Variants in SULF1 observed in about 807,000 individuals in gnomAD.
The protein encoded by SULF1 is sulfatase 1.
SULF1 carries 46 observed loss-of-function variants against 110.5 expected under a neutral mutation model. That is an observed-to-expected ratio of 0.42 (90% CI 0.33 to 0.53). SULF1 has a LOEUF of 0.53. SULF1 is among the 20% of genes least tolerant of loss of function. SULF1 has a pLI of 0.12. For missense variants in SULF1, 941 were observed against 1,094.2 expected (o/e 0.86, Z 1.98); for synonymous variants, 371 against 387.1 (o/e 0.96, Z 0.49).
intron 6 of SULF1, among the ~76,000 whole-genome samples, chr8:69,585,710 T>G (rs1806404918): frequency 6.6e-6 from 1 of 152,212 alleles, no homozygotes; most frequent in African/African-American, 2.4e-5. Flanking sequence ...GTAGTAACTC[T>G]ATGTTGACAG....
intron 22 of SULF1, among the ~76,000 whole-genome samples, chr8:69,652,468 A>T (rs1812417730): frequency 6.6e-6 from 1 of 152,202 alleles, no homozygotes; most frequent in Non-Finnish European, 1.5e-5. Context: ...AAGATTTGTT[A>T]AACTTCTCCT....
intron 3 of SULF1, among the ~76,000 whole-genome samples, chr8:69,562,372 G>A (rs549965579): frequency 1.3e-5 from 2 of 152,166 alleles, no homozygotes; most frequent in East Asian, 1.9e-4. Context: ...CCTGCTATGC[G>A]ATGCTTACAC....
chr8:69,647,986 G>A (rs565829614), intron 22 of SULF1, among the ~76,000 whole-genome samples: 1 of 151,380 alleles, frequency 6.6e-6, no homozygotes, highest in African/African-American at 2.4e-5. Flanking sequence ...TTTGCTTTTG[G>A]ATACTAGCAG....
intron 13 of SULF1, among the ~76,000 whole-genome samples, chr8:69,611,991 T>C (rs1252486770): frequency 6.6e-6 from 1 of 152,152 alleles, no homozygotes; most frequent in Non-Finnish European, 1.5e-5. Flanking sequence ...CTTTTATCCC[T>C]CACCTGCTTC....
intron 22 of SULF1, among the ~76,000 whole-genome samples, chr8:69,645,585 C>G (rs1811836177): frequency 6.6e-6 from 1 of 152,174 alleles, no homozygotes; most frequent in Non-Finnish European, 1.5e-5. Flanking sequence ...AGGAGAGGGC[C>G]CCAACCCAAC....
At chr8:69,528,816 G>A (rs1812876902) in intron 3 of SULF1, among the ~76,000 whole-genome samples, 1 of 152,118 alleles carries the variant, frequency 6.6e-6, no homozygotes, top group African/African-American at 2.4e-5. Context: ...TGTTGTTGTT[G>A]TTGTTTCAGG....
At chr8:69,586,073 G>A (rs1219489979) in intron 6 of SULF1, among the ~76,000 whole-genome samples, 3 of 152,154 alleles carry the variant, frequency 2.0e-5, no homozygotes, top group Non-Finnish European at 2.9e-5. Context: ...TACTCCAGTA[G>A]GACCATAAGA....
At position 69,628,162 on chromosome 8, in the gene SULF1, C is replaced by T. The variant is rs762091113; in HGVS notation, c.2043-9C>T. ...ATGAAGTCTCACTTTTTAATCTTCT[C>T]TCCTGCAGCTATTACAATAAAGAGA... On this transcript the variant is annotated splice_polypyrimidine_tract_variant and intron_variant, in intron 17 of 22. Coordinates refer to ENST00000402687, the MANE Select transcript of SULF1 (RefSeq NM_001128205.2). 9.9e-6 allele frequency: 16 copies of T among 1,610,902 alleles called. No individual in the cohort carries two copies. Among genetic ancestry groups the T allele is most frequent in the Admixed American group, 8.3e-5 (5 of 59,968 alleles).
At chr8:69,643,426 A>C (rs970852063) in intron 22 of SULF1, among the ~76,000 whole-genome samples, 1 of 152,222 alleles carries the variant, frequency 6.6e-6, no homozygotes, top group Non-Finnish European at 1.5e-5. Context: ...AAAAAAAAAA[A>C]AACAAGTTTT....
intron 5 of SULF1, among the ~76,000 whole-genome samples, chr8:69,568,296 C>T (rs542860480): frequency 6.6e-6 from 1 of 152,244 alleles, no homozygotes; most frequent in South Asian, 2.1e-4. Flanking sequence ...ACAATCCTAT[C>T]TGTTTATCTA....
At chr8:69,545,654 T>C (rs530177444) in intron 3 of SULF1, among the ~76,000 whole-genome samples, 61 of 152,242 alleles carry the variant, frequency 4.0e-4, no homozygotes, top group African/African-American at 1.5e-3. Context: ...CTTTGGTTTT[T>C]TGGGTTTTTT....
intron 3 of SULF1, among the ~76,000 whole-genome samples, chr8:69,559,013 T>C (rs1334358749): frequency 6.6e-6 from 1 of 152,242 alleles, no homozygotes; most frequent in African/African-American, 2.4e-5. Flanking sequence ...TTAATGTTTA[T>C]CTGAAAAGAA....
intron 6 of SULF1, among the ~76,000 whole-genome samples, chr8:69,579,015 G>A (rs1446268178): frequency 6.6e-6 from 1 of 151,918 alleles, no homozygotes; most frequent in African/African-American, 2.4e-5. Context: ...GAAAAAATTA[G>A]CCAGGCGTGG....
At chr8:69,587,528 G>C (rs1045959097) in intron 7 of SULF1, among the ~76,000 whole-genome samples, 1 of 152,194 alleles carries the variant, frequency 6.6e-6, no homozygotes, top group Non-Finnish European at 1.5e-5. Context: ...CCAAACTCAT[G>C]AAAGTTAAAA....
At chr8:69,621,955 T>C (rs2130554561) in intron 14 of SULF1, among the ~76,000 whole-genome samples, 1 of 152,354 alleles carries the variant, frequency 6.6e-6, no homozygotes, top group South Asian at 2.1e-4. Context: ...CTTTCTATAC[T>C]GGTTTGGAAA....
chr8:69,477,018 A>G (rs2725100), intron 1 of SULF1, among the ~76,000 whole-genome samples: 37,679 of 152,100 alleles, frequency 0.25, 4,909 homozygotes, highest in Non-Finnish European at 0.3. Flanking sequence ...ACATGAGTTG[A>G]TATTTCCAAA....
At chr8:69,609,260 C>T (rs1038030225) in intron 13 of SULF1, among the ~76,000 whole-genome samples, 2 of 152,144 alleles carry the variant, frequency 1.3e-5, no homozygotes, top group Admixed American at 1.3e-4. Flanking sequence ...GTGAGGGAAT[C>T]GCTTGAGCCT....
At chr8:69,599,375 G>T (rs764368878) in intron 8 of SULF1, among the ~76,000 whole-genome samples, 1 of 152,108 alleles carries the variant, frequency 6.6e-6, no homozygotes. Flanking sequence ...AATCTCAGAC[G>T]TAGCAAGCAC....
chr8:69,616,427 A>G (rs1809149309), intron 13 of SULF1, among the ~76,000 whole-genome samples: 1 of 151,544 alleles, frequency 6.6e-6, no homozygotes, highest in Non-Finnish European at 1.5e-5. Context: ...TTGGAAACAG[A>G]ATCTTGCTCT....
Sources: allele counts gnomAD v4.1 joint callset (sites outside exome capture counted in the v4.1 genomes callset), GRCh38; gene constraint gnomAD v4.1.1; transcripts MANE v1.5; gene names NCBI Gene and HGNC (gene_info 2026-07-23, HGNC 2026-07-21).